Variants in GALNTL6 observed in about 807,000 individuals in gnomAD.
GALNTL6 encodes polypeptide N-acetylgalactosaminyltransferase-like 6.
Under a neutral mutation model 73.7 loss-of-function variants are expected in GALNTL6, and 46 were observed. The ratio of observed to expected loss-of-function variants is 0.62; its 90% CI spans 0.49 to 0.80. GALNTL6 has a LOEUF of 0.80. Ranked by LOEUF, GALNTL6 falls within the 30% of genes least tolerant of loss-of-function variation. The probability of loss-of-function intolerance (pLI) is 0.00; values close to 1 mark genes in which losing one functional copy is unlikely to be tolerated. For missense variants in GALNTL6, 604 were observed against 755.0 expected, an observed-to-expected ratio of 0.80 and a Z score of 2.34; for synonymous variants, 259 against 263.7, an observed-to-expected ratio of 0.98 and a Z score of 0.17.
intron 3 of GALNTL6, among the ~76,000 whole-genome samples, chr4:172,236,407 A>G (rs1737240582): frequency 6.6e-6 from 1 of 152,054 alleles, no homozygotes; most frequent in African/African-American, 2.4e-5. Context: ...AAAATGTAAA[A>G]AAATTAGCCA....
intron 2 of GALNTL6, among the ~76,000 whole-genome samples, chr4:171,822,706 G>A (rs1050461903): frequency 2.0e-5 from 3 of 152,110 alleles, no homozygotes; most frequent in Admixed American, 6.6e-5. Flanking sequence ...TGCAATATGT[G>A]CACCATACTG....
intron 12 of GALNTL6, among the ~76,000 whole-genome samples, chr4:173,024,451 A>G (rs1478659868): frequency 6.6e-6 from 1 of 152,248 alleles, no homozygotes; most frequent in Non-Finnish European, 1.5e-5. Context: ...GTTTTAGAAA[A>G]TTCCTCTTGT....
chr4:172,945,596 A>G (rs1749126093), intron 9 of GALNTL6, among the ~76,000 whole-genome samples: 1 of 152,226 alleles, frequency 6.6e-6, no homozygotes, highest in Non-Finnish European at 1.5e-5. Context: ...TATCCAAAAT[A>G]TTTGGGCAAA....
intron 2 of GALNTL6, among the ~76,000 whole-genome samples, chr4:172,177,789 GTATA>G (rs1196780358): frequency 7.3e-6 from 1 of 136,794 alleles, no homozygotes; most frequent in African/African-American, 3.1e-5. Flanking sequence ...ATACACATGT[GTATA>G]TATATACACA....
At chr4:172,084,814 A>G (rs941890057) in intron 2 of GALNTL6, among the ~76,000 whole-genome samples, 1 of 152,174 alleles carries the variant, frequency 6.6e-6, no homozygotes, top group African/African-American at 2.4e-5. Context: ...TAAAATTTAC[A>G]TTTACTAAAA....
At position 172,778,071 on chromosome 4, in the gene GALNTL6, A is replaced by G. The variant is rs912867734; in HGVS notation, c.554-31290A>G. Among the ~76,000 whole-genome samples the G allele has an allele frequency of 2.6e-5, 4 of 152,276 alleles. No individual in the cohort carries two copies. The East Asian group carries it at 7.7e-4, about 29-fold the overall frequency. Reference sequence around the variant, plus strand: ...AGAGGAGCTCACAAAAAGGCATTCCATAAATATAAATTAGAATTCTCATAT... The same window carrying G: ...AGAGGAGCTCACAAAAAGGCATTCCGTAAATATAAATTAGAATTCTCATAT... On this transcript the variant is annotated intron_variant, in intron 5 of 12. Coordinates refer to ENST00000506823, the MANE Select transcript of GALNTL6 (RefSeq NM_001034845.3).
At chr4:172,302,811 T>C (rs1164581149) in intron 3 of GALNTL6, among the ~76,000 whole-genome samples, 1 of 152,050 alleles carries the variant, frequency 6.6e-6, no homozygotes. Context: ...TTGGTAACTT[T>C]TTTTTTTAAG....
At chr4:172,732,667 A>G (rs984476563) in intron 5 of GALNTL6, among the ~76,000 whole-genome samples, 2 of 152,050 alleles carry the variant, frequency 1.3e-5, no homozygotes, top group African/African-American at 4.8e-5. Flanking sequence ...GTTTTAATTT[A>G]TTGCTTTTTA....
rs534853288 is a variant in GALNTL6 at position 172,691,318 on chromosome 4, C to T, written c.554-118043C>T. On this transcript the variant is annotated intron_variant, in intron 5 of 12. Coordinates refer to ENST00000506823, the MANE Select transcript of GALNTL6 (RefSeq NM_001034845.3). ...AGATTGATAAATAAGGTTGAGAAAA[C>T]CATGGGAAACTGTCACAGAAATGGC... 1.1e-4 allele frequency among the ~76,000 whole-genome samples: 16 copies of T among 152,216 alleles called. No individual in the cohort carries two copies. The South Asian group carries it at 3.1e-3, about 30-fold the overall frequency.
intron 2 of GALNTL6, among the ~76,000 whole-genome samples, chr4:172,107,992 T>A (rs1732735301): frequency 6.6e-6 from 1 of 152,198 alleles, no homozygotes; most frequent in African/African-American, 2.4e-5. Flanking sequence ...GTCAAGGATC[T>A]AGTAGTTACA....
intron 3 of GALNTL6, among the ~76,000 whole-genome samples, chr4:172,269,752 T>C (rs997612077): frequency 6.6e-6 from 1 of 152,026 alleles, no homozygotes; most frequent in Non-Finnish European, 1.5e-5. Context: ...TTAATTTTTT[T>C]ATTTTTTTTT....
chr4:172,414,825 T>G (rs1401440685), intron 5 of GALNTL6, among the ~76,000 whole-genome samples: 2 of 152,140 alleles, frequency 1.3e-5, no homozygotes, highest in Non-Finnish European at 2.9e-5. Context: ...ATTGAAAGGG[T>G]TTTGTTGTTG....
chr4:172,189,839 A>G (rs1054196528), intron 2 of GALNTL6, among the ~76,000 whole-genome samples: 2 of 152,106 alleles, frequency 1.3e-5, no homozygotes, highest in African/African-American at 4.8e-5. Flanking sequence ...GATAATAATA[A>G]TAATAATACC....
chr4:172,342,664 G>GA (rs1181146484), intron 4 of GALNTL6, among the ~76,000 whole-genome samples: 2 of 152,188 alleles, frequency 1.3e-5, no homozygotes, highest in Non-Finnish European at 2.9e-5. Flanking sequence ...TGAAGAAATT[G>GA]AATCTCTTTC....
At position 172,750,045 on chromosome 4, in the gene GALNTL6, T is replaced by A. The variant is rs192811533; in HGVS notation, c.554-59316T>A. ...TGATTTAGTTAGTGTTCCCTGATTC[T>A]TGTGCATTTTGATAATTTCACAATC... is the stretch of plus-strand genomic sequence containing the variant. On this transcript the variant is annotated intron_variant, in intron 5 of 12. Coordinates refer to ENST00000506823, the MANE Select transcript of GALNTL6 (RefSeq NM_001034845.3). 1.3e-3 allele frequency among the ~76,000 whole-genome samples: 201 copies of A among 152,360 alleles called. 1 individual carries two copies. Among genetic ancestry groups the A allele is most frequent in the African/African-American group, 4.6e-3 (192 of 41,580 alleles).
At chr4:172,118,922 A>T (rs1733067882) in intron 2 of GALNTL6, among the ~76,000 whole-genome samples, 1 of 151,996 alleles carries the variant, frequency 6.6e-6, no homozygotes, top group South Asian at 2.1e-4. Flanking sequence ...CTTTCACTTG[A>T]ACAGTAATTT....
chr4:173,014,363 C>T (rs951099910), intron 11 of GALNTL6, among the ~76,000 whole-genome samples: 5 of 152,078 alleles, frequency 3.3e-5, no homozygotes, highest in African/African-American at 7.2e-5. Flanking sequence ...AGAGGAGTGG[C>T]GGGGAGGAAC....
chr4:172,662,488 T>C (rs935800264), intron 5 of GALNTL6, among the ~76,000 whole-genome samples: 2 of 152,176 alleles, frequency 1.3e-5, no homozygotes, highest in African/African-American at 4.8e-5. Flanking sequence ...TAATCGGCAG[T>C]GTATAGTTAG....
intron 4 of GALNTL6, among the ~76,000 whole-genome samples, chr4:172,347,347 A>G (rs976554899): frequency 6.6e-5 from 10 of 152,102 alleles, no homozygotes; most frequent in African/African-American, 2.4e-4. Context: ...ATTAATAGAC[A>G]AGTAATATGT....
Sources: gnomAD v4.1 joint callset for allele counts (sites outside exome capture counted in the v4.1 genomes callset) on GRCh38, gnomAD v4.1.1 for gene constraint, MANE v1.5 for transcripts, NCBI Gene and HGNC (gene_info 2026-07-23, HGNC 2026-07-21) for gene names.